VCF2: variants seen among roughly 807,000 people sequenced by gnomAD.
VCF2 encodes VCP nuclear cofactor family member 2.
chrX:55,160,715 G>T, the VCF2 span: 4 of 710,702 alleles, frequency 5.6e-6, no homozygotes, highest in Non-Finnish European at 8.2e-6. Context: ...ACCAATCAGA[G>T]AAACAGAAAT....
the VCF2 span, among the ~76,000 whole-genome samples, chrX:55,157,259 G>A: frequency 8.0e-5 from 9 of 112,703 alleles, no homozygotes; most frequent in South Asian, 1.5e-3. Flanking sequence ...AAGCCGGGGC[G>A]TGGTGGCTGA....
At chrX:55,147,792 A>G in the VCF2 span, among the ~76,000 whole-genome samples, 3 of 110,095 alleles carry the variant, frequency 2.7e-5, no homozygotes, top group East Asian at 8.5e-4. Flanking sequence ...TGTGTACATT[A>G]AAAATTCATA....
the VCF2 span, chrX:55,145,864 T>A: frequency 1.1e-6 from 1 of 937,790 alleles, no homozygotes; most frequent in Admixed American, 5.0e-5. Flanking sequence ...ACTTGAAAAC[T>A]CTATGTAGAA....
chrX:55,148,793 G>T, the VCF2 span, among the ~76,000 whole-genome samples: 2 of 111,282 alleles, frequency 1.8e-5, no homozygotes, highest in Non-Finnish European at 3.8e-5. Context: ...AATTACAACG[G>T]ATTTTAATTT....
At chrX:55,160,667 C>G in the VCF2 span, 1 of 491,930 alleles carries the variant, frequency 2.0e-6, no homozygotes, top group East Asian at 3.7e-5. Context: ...TGATAAAGGT[C>G]CATAGAACCC....
the VCF2 span, chrX:55,159,030 T>C: frequency 6.0e-6 from 4 of 668,600 alleles, no homozygotes; most frequent in Admixed American, 1.8e-4. Context: ...TTTATGAAGG[T>C]TTCTTGGAAT....
At chrX:55,155,861 C>T in the VCF2 span, among the ~76,000 whole-genome samples, 1 of 109,880 alleles carries the variant, frequency 9.1e-6, no homozygotes, top group Non-Finnish European at 1.9e-5. Context: ...GAAATTCATG[C>T]ATGTATTCAT....
At chrX:55,158,871 G>A in the VCF2 span, among the ~76,000 whole-genome samples, 1 of 111,385 alleles carries the variant, frequency 9.0e-6, no homozygotes, top group South Asian at 3.8e-4. Flanking sequence ...ACTATTCCCT[G>A]CTCATATGAG....
At chrX:55,151,884 C>T in the VCF2 span, among the ~76,000 whole-genome samples, 87 of 80,717 alleles carry the variant, frequency 1.1e-3, no homozygotes, top group South Asian at 2.8e-3. Context: ...TTAAGCTGTG[C>T]TTTCTTTTTT....
chrX:55,152,734 T>C, the VCF2 span, among the ~76,000 whole-genome samples: 2 of 112,182 alleles, frequency 1.8e-5, no homozygotes, highest in East Asian at 5.6e-4. Context: ...AAGATTCTTT[T>C]TAAAGCGACA....
the VCF2 span, among the ~76,000 whole-genome samples, chrX:55,152,526 T>A: frequency 3.6e-5 from 4 of 112,033 alleles, no homozygotes; most frequent in African/African-American, 1.3e-4. Flanking sequence ...GACCAGAGAT[T>A]CATTTTCTTC....
At chrX:55,145,257 T>C in the VCF2 span, 8 of 666,355 alleles carry the variant, frequency 1.2e-5, no homozygotes, top group Admixed American at 4.4e-4. Flanking sequence ...CTATACATAA[T>C]AGATGGAATT....
At chrX:55,147,957 A>G in the VCF2 span, among the ~76,000 whole-genome samples, 3 of 111,268 alleles carry the variant, frequency 2.7e-5, no homozygotes, top group Non-Finnish European at 5.7e-5. Flanking sequence ...AAAATCAGAA[A>G]TAACTAAATG....
chrX:55,153,499 C>T, the VCF2 span, among the ~76,000 whole-genome samples: 32 of 108,796 alleles, frequency 2.9e-4, no homozygotes, highest in African/African-American at 5.7e-4. Flanking sequence ...GGACTACAGG[C>T]GCATGCCGCC....
At chrX:55,149,168 CAGG>C in the VCF2 span, among the ~76,000 whole-genome samples, 4 of 106,185 alleles carry the variant, frequency 3.8e-5, no homozygotes, top group African/African-American at 1.4e-4. Flanking sequence ...AATTGTACTG[CAGG>C]AGGTTTTTTT....
At chrX:55,160,958 C>T in the VCF2 span, 1 of 1,165,433 alleles carries the variant, frequency 8.6e-7, no homozygotes, top group Non-Finnish European at 1.1e-6. Context: ...GGCCGCGCCA[C>T]CGGCCAACAC....
At chrX:55,149,507 A>T in the VCF2 span, among the ~76,000 whole-genome samples, 1 of 111,366 alleles carries the variant, frequency 9.0e-6, no homozygotes, top group South Asian at 3.8e-4. Context: ...CAAGGCCAGA[A>T]ATTAAAACTA....
the VCF2 span, among the ~76,000 whole-genome samples, chrX:55,149,258 TTAAG>T: frequency 9.1e-6 from 1 of 110,491 alleles, no homozygotes. Context: ...GCCATTGTTA[TTAAG>T]TTTTAATTTG....
chrX:55,152,291 C>A, the VCF2 span, among the ~76,000 whole-genome samples: 1 of 112,184 alleles, frequency 8.9e-6, no homozygotes, highest in African/African-American at 3.2e-5. Context: ...ACTTTCATAC[C>A]TGCCTACAGA....
Sources: allele counts gnomAD v4.1 joint callset (sites outside exome capture counted in the v4.1 genomes callset), GRCh38; gene constraint gnomAD v4.1.1; transcripts MANE v1.5; gene names NCBI Gene and HGNC (gene_info 2026-07-23, HGNC 2026-07-21).